PM20D1: variants seen among roughly 807,000 people sequenced by gnomAD.
The protein encoded by PM20D1 is N-fatty-acyl-amino acid synthase/hydrolase PM20D1.
PM20D1 carries 53 observed loss-of-function variants against 53.8 expected under a neutral mutation model. The ratio of observed to expected loss-of-function variants is 0.98; its 90% CI spans 0.79 to 1.24. The LOEUF is 1.24. PM20D1 is among the 50% of genes most tolerant of loss of function. The pLI, the probability that PM20D1 is intolerant of heterozygous loss-of-function variation, is 0.00. For synonymous variants in PM20D1, 239 were observed against 241.3 expected (o/e 0.99, Z 0.09); for missense variants, 564 against 616.8 (o/e 0.91, Z 0.91).
At chr1:205,849,077 A>G (rs886872859) in intron 1 of PM20D1, among the ~76,000 whole-genome samples, 1 of 152,234 alleles carries the variant, frequency 6.6e-6, no homozygotes, top group African/African-American at 2.4e-5. Context: ...TGAACAATCT[A>G]TATCCAACTA....
intron 2 of PM20D1, 133 bp from the exon 3 acceptor site, chr1:205,845,690 G>A: frequency 1.4e-6 from 1 of 701,932 alleles, no homozygotes. Flanking sequence ...AGCCTTCTAG[G>A]ACAAAGCTAG....
At position 205,844,209 on chromosome 1, in the gene PM20D1, C is replaced by T; in HGVS notation, c.585G>A (p.Gly195=). 6.2e-7 allele frequency: 1 copy of T among 1,610,206 alleles called. No homozygotes were observed. Among genetic ancestry groups the T allele is most frequent in the South Asian group, 1.1e-5 (1 of 90,704 alleles). ...ISLGHDEESS[G]TGAQRISALL... is the part of the protein sequence containing the mutation. ...GGGCTGAGATCCTCTGAGCCCCTGT[C>T]CCTGATGACTGCAGACATGGAACAT... Residue 195 remains glycine, a synonymous_variant, in exon 5 of 13, where the codon GGG becomes GGA. Coordinates refer to ENST00000367136, the MANE Select transcript of PM20D1 (RefSeq NM_152491.5).
In PM20D1 at chr1:205,844,216, G is replaced by A; in HGVS notation, c.578C>T (p.Ser193Leu). Residue 193 changes from serine to leucine, a missense_variant and splice_region_variant, in exon 5 of 13, where the codon TCA (serine) becomes TTA (leucine). Physicochemically the swap from Ser to Leu is moderately radical, Grantham distance 145 (BLOSUM62 -2). Coordinates refer to ENST00000367136, the MANE Select transcript of PM20D1 (RefSeq NM_152491.5). Reference protein sequence around the residue: ...FFISLGHDEESSGTGAQRISA... With the variant: ...FFISLGHDEELSGTGAQRISA... ...GATCCTCTGAGCCCCTGTCCCTGATGACTGCAGACATGGAACATAGAGCTA... is the reference window on the plus strand; with the variant it reads ...GATCCTCTGAGCCCCTGTCCCTGATAACTGCAGACATGGAACATAGAGCTA... 1 of 1,609,092 alleles carries A rather than the reference G, an allele frequency of 6.2e-7. No homozygotes were observed. The highest frequency in any genetic ancestry group is 8.5e-7 in the Non-Finnish European group (1 of 1,177,232).
chr1:205,832,645 C>A lies in PM20D1; in HGVS notation c.1238G>T (p.Arg413Leu). Residue 413 changes from arginine to leucine, a missense_variant, in exon 11 of 13, where the codon CGC becomes CTC. Arg to Leu is a moderately radical substitution (Grantham distance 102, BLOSUM62 -2). Transcript: ENST00000367136. ...CGGGAAGACGGACTGTACGGTCTGG[C>A]GGAGCAGCTGGTAGCCCAAGGCCTT... The part of the protein sequence containing the change: ...DDKALGYQLL[R>L]QTVQSVFPEV... The A allele has an allele frequency of 6.2e-7, 1 of 1,614,026 alleles. No individual in the cohort carries two copies. Among genetic ancestry groups the A allele is most frequent in the Non-Finnish European group, 8.5e-7 (1 of 1,179,984 alleles).
intron 10 of PM20D1, 108 bp downstream of exon 10, chr1:205,840,144 A>G (rs1656774128): frequency 8.0e-6 from 7 of 874,622 alleles, no homozygotes; most frequent in Non-Finnish European, 1.2e-5. Flanking sequence ...ATGTTGGTTG[A>G]ATAAATGGGA....
intron 10 of PM20D1, among the ~76,000 whole-genome samples, chr1:205,834,790 G>C (rs1231519944): frequency 6.6e-6 from 1 of 152,164 alleles, no homozygotes; most frequent in East Asian, 1.9e-4. Flanking sequence ...ATCGAAGAAG[G>C]CATGCAGAAT....
At position 205,845,548 on chromosome 1, in the gene PM20D1, G is replaced by C. The variant is rs750999890; in HGVS notation, c.266C>G (p.Thr89Arg). 1 of 1,613,696 alleles carries C rather than the reference G, an allele frequency of 6.2e-7. No homozygotes were observed. Among genetic ancestry groups the C allele is most frequent in the East Asian group, 2.2e-5 (1 of 44,894 alleles). Reference protein sequence around the residue: ...FGKYIHKVFPTVVSTSFIQHE... With the variant: ...FGKYIHKVFPRVVSTSFIQHE... ...CTGGATAAAGCTGGTGCTGACCACTGTAGGAAAGACTAGAAGCAAAAAGGG... is the reference window on the plus strand; with the variant it reads ...CTGGATAAAGCTGGTGCTGACCACTCTAGGAAAGACTAGAAGCAAAAAGGG... The change falls in exon 3 of 13, where the codon ACA becomes AGA. Residue 89 changes from threonine to arginine, a missense_variant. Coordinates refer to ENST00000367136, the MANE Select transcript of PM20D1 (RefSeq NM_152491.5).
Position 205,840,300 on chromosome 1 carries a change from G to A in PM20D1, c.1068C>T (p.Ala356=), listed in dbSNP as rs140552013. The stretch of plus-strand genomic sequence containing the variant: ...GAATCCGGAAGTTGACTGTGGCCTG[G>A]GCCACTGGGGGGATGACATTGAACT... ...GVKFNVIPPV[A]QATVNFRIHP... Residue 356 remains alanine (A), a synonymous_variant, in exon 10 of 13, where the codon GCC becomes GCT. Coordinates refer to ENST00000367136, the MANE Select transcript of PM20D1 (RefSeq NM_152491.5). 1 of 1,614,050 alleles carries A rather than the reference G, an allele frequency of 6.2e-7. No individual in the cohort carries two copies. The highest frequency in any genetic ancestry group is 1.1e-5 in the South Asian group (1 of 91,024).
rs745922341 is a variant in PM20D1, at chr1:205,843,723, G to A, written c.771C>T (p.His257=). ...TTGTCTCCTTTGGAGGAGCTGAAGA[G>A]TGGCCTGAAGTCATGTTTACTTGCA... ...LMLQVNMTSG[H]SSAPPKETSI... The change falls in exon 6 of 13, where the codon CAC becomes CAT. Residue 257 remains histidine (H), a synonymous_variant. Transcript: ENST00000367136. 1.2e-6 allele frequency: 2 copies of A among 1,614,194 alleles called. No individual in the cohort carries two copies. The highest frequency in any genetic ancestry group is 3.3e-4 in the Middle Eastern group (2 of 6,058).
chr1:205,838,138 A>G (rs550711392), intron 10 of PM20D1, among the ~76,000 whole-genome samples: 3 of 152,340 alleles, frequency 2.0e-5, no homozygotes, highest in South Asian at 2.1e-4. Context: ...AAAGGACCAT[A>G]GAAGTCCAAG....
chr1:205,830,592 T>G (rs532127953), intron 11 of PM20D1, among the ~76,000 whole-genome samples: 7 of 150,548 alleles, frequency 4.6e-5, no homozygotes, highest in Non-Finnish European at 8.9e-5. Context: ...AGACATCCCT[T>G]GGATGGACCA....
chr1:205,837,669 C>A (rs576733408), intron 10 of PM20D1, among the ~76,000 whole-genome samples: 7 of 152,126 alleles, frequency 4.6e-5, no homozygotes, highest in Admixed American at 4.6e-4. Context: ...GGAGGCTTTC[C>A]ATTCCTCACT....
intron 12 of PM20D1, among the ~76,000 whole-genome samples, chr1:205,829,490 T>C (rs1045319230): frequency 6.6e-6 from 1 of 152,140 alleles, no homozygotes; most frequent in Non-Finnish European, 1.5e-5. Context: ...GAAACTTTAC[T>C]ATCAGACCTC....
At chr1:205,841,278 G>A (rs1232657678) in intron 9 of PM20D1, among the ~76,000 whole-genome samples, 1 of 152,146 alleles carries the variant, frequency 6.6e-6, no homozygotes, top group Non-Finnish European at 1.5e-5. Context: ...CTCGTATGGT[G>A]CAAAAAAGCA....
chr1:205,845,110 C>T (rs1002696607), intron 3 of PM20D1, among the ~76,000 whole-genome samples: 1 of 152,146 alleles, frequency 6.6e-6, no homozygotes, highest in African/African-American at 2.4e-5. Context: ...ATATCAGTGT[C>T]AGGACTGAAA....
chr1:205,837,716 G>A (rs892473119), intron 10 of PM20D1, among the ~76,000 whole-genome samples: 3 of 152,092 alleles, frequency 2.0e-5, no homozygotes, highest in African/African-American at 7.2e-5. Context: ...GGATTCCAGG[G>A]GTTTCATCAG....
chr1:205,844,884 G>C lies in PM20D1; in HGVS notation c.503C>G (p.Ala168Gly), dbSNP rs1410356526. Residue 168 changes from alanine (A) to glycine (G), a missense_variant, in exon 4 of 13, where the codon GCC becomes GGC. Physicochemically the swap from Ala to Gly is moderately conservative, Grantham distance 60 (BLOSUM62 0). Coordinates refer to ENST00000367136, the MANE Select transcript of PM20D1 (RefSeq NM_152491.5). ...CTTCCTGATCAGCAGGAGCTCCAAG[G>C]CCTGCAGTAATGCCTGGGGTTCAGA... is the stretch of plus-strand genomic sequence containing the variant. Reference protein sequence around the residue: ...DKNSVMALLQALELLLIRKYI... With the variant: ...DKNSVMALLQGLELLLIRKYI... 1 of 1,613,748 alleles carries C rather than the reference G, an allele frequency of 6.2e-7. No individual in the cohort carries two copies. Among genetic ancestry groups the C allele is most frequent in the Admixed American group, 1.7e-5 (1 of 60,028 alleles).
At chr1:205,838,648 A>T (rs545975360) in intron 10 of PM20D1, among the ~76,000 whole-genome samples, 3 of 152,242 alleles carry the variant, frequency 2.0e-5, no homozygotes, top group African/African-American at 7.2e-5. Context: ...ACTCCAGCCT[A>T]TATCTCTAGT....
At chr1:205,845,070 A>G (rs1196461541) in intron 3 of PM20D1, among the ~76,000 whole-genome samples, 173 bp from the exon 4 acceptor site, 1 of 152,158 alleles carries the variant, frequency 6.6e-6, no homozygotes, top group African/African-American at 2.4e-5. Context: ...GGAGAAACAG[A>G]ACGTTTACCA....
Sources: allele counts gnomAD v4.1 joint callset (sites outside exome capture counted in the v4.1 genomes callset), GRCh38; gene constraint gnomAD v4.1.1; transcripts MANE v1.5; gene names NCBI Gene and HGNC (gene_info 2026-07-23, HGNC 2026-07-21).